Variants in TERB2 observed in about 807,000 individuals in gnomAD.
TERB2 encodes telomere repeats-binding bouquet formation protein 2.
In TERB2, 26 loss-of-function variants were observed where a neutral mutation model predicts 29.8. The observed-to-expected ratio is 0.87, with a 90% CI of 0.64 to 1.21. The LOEUF is 1.21. Among genes scored for constraint, TERB2 ranks in the 50% most tolerant of loss-of-function variants. TERB2 has a pLI of 0.00. For synonymous variants in TERB2, 80 were observed against 90.8 expected, an observed-to-expected ratio of 0.88 and a Z score of 0.68; for missense variants, 240 against 268.6, an observed-to-expected ratio of 0.89 and a Z score of 0.74.
intron 4 of TERB2, 76 bp downstream of exon 4, chr15:44,961,660 T>C: frequency 9.7e-7 from 1 of 1,026,970 alleles, no homozygotes; most frequent in Non-Finnish European, 1.5e-6. Flanking sequence ...CTTTAAAATG[T>C]TTATTTGTGA....
intron 3 of TERB2, among the ~76,000 whole-genome samples, chr15:44,959,626 C>G (rs111707458): frequency 1.1e-4 from 16 of 152,276 alleles, no homozygotes; most frequent in Middle Eastern, 3.4e-3. Flanking sequence ...CCTCAGCCCC[C>G]CAAAGTGCTG....
In TERB2 at chr15:44,978,721, T is replaced by C. The variant is rs1259806815; in HGVS notation, c.*93T>C. Reference sequence around the variant, plus strand: ...AATGCTCCCTTTTGGTACTGGGGGATAGTGAAATGGGAAATAATTTTTCTG... The same window carrying C: ...AATGCTCCCTTTTGGTACTGGGGGACAGTGAAATGGGAAATAATTTTTCTG... On this transcript the variant is annotated 3_prime_UTR_variant, in exon 7 of 7. Coordinates refer to ENST00000340827, the MANE Select transcript of TERB2 (RefSeq NM_152448.3). The C allele has an allele frequency of 7.6e-7, 1 of 1,313,734 alleles. No individual in the cohort carries two copies. The highest frequency in any genetic ancestry group is 1.5e-5 in the African/African-American group (1 of 66,502). The allele number at this position is 1,313,734 out of a possible 1,614,324, so 81.4% of individuals were successfully genotyped here. A position where few individuals can be genotyped will look rare whatever the true frequency, so the allele number is the denominator to read the frequency against.
intron 4 of TERB2, among the ~76,000 whole-genome samples, chr15:44,964,366 T>C (rs1230514629): frequency 6.6e-6 from 1 of 152,168 alleles, no homozygotes; most frequent in African/African-American, 2.4e-5. Context: ...TAGGAGGTAA[T>C]AGTATGTTGT....
Position 44,977,373 on chromosome 15 carries a change from A to G in TERB2, c.524-1116A>G, listed in dbSNP as rs573895631. Among the ~76,000 whole-genome samples, 24 of 152,374 alleles carry G rather than the reference A, an allele frequency of 1.6e-4. No homozygotes were observed. The South Asian group carries it at 3.3e-3, about 21-fold the overall frequency. On this transcript the variant is annotated intron_variant, in intron 6 of 6. Transcript: ENST00000340827. ...TAAATGTCCTATCCTTCTTATACTTATAGGAATATTTTTTACTAATGTAGT... is the reference window on the plus strand; with the variant it reads ...TAAATGTCCTATCCTTCTTATACTTGTAGGAATATTTTTTACTAATGTAGT...
intron 5 of TERB2, among the ~76,000 whole-genome samples, chr15:44,973,372 T>C (rs927629790): frequency 6.6e-6 from 1 of 152,190 alleles, no homozygotes; most frequent in Non-Finnish European, 1.5e-5. Flanking sequence ...TATTGTACTT[T>C]CAGGGATATG....
chr15:44,963,999 C>T (rs1218358288), intron 4 of TERB2, among the ~76,000 whole-genome samples: 3 of 151,570 alleles, frequency 2.0e-5, no homozygotes, highest in Admixed American at 6.6e-5. Context: ...TTAGTAGAGA[C>T]GGGGTTTCAC....
chr15:44,957,209 A>G (rs985478477), intron 2 of TERB2, among the ~76,000 whole-genome samples: 9 of 150,574 alleles, frequency 6.0e-5, no homozygotes, highest in African/African-American at 2.2e-4. Context: ...GCAAGATTCC[A>G]TCTCAAAAAA....
chr15:44,962,627 C>T (rs1467041282), intron 4 of TERB2, among the ~76,000 whole-genome samples: 2 of 152,076 alleles, frequency 1.3e-5, no homozygotes. Context: ...CGGGGGCTGC[C>T]TGATTAACCA....
chr15:44,961,476 T>TA (rs772499304), intron 3 of TERB2, 47 bp from the exon 4 acceptor site: 137,845 of 1,013,678 alleles, frequency 0.14, 7 homozygotes, highest in South Asian at 0.16. Context: ...AGAAGATTCT[T>TA]AAAAAAAAAA....
At chr15:44,968,540 T>C (rs1456965373) in intron 5 of TERB2, among the ~76,000 whole-genome samples, 2 of 151,782 alleles carry the variant, frequency 1.3e-5, no homozygotes, top group Non-Finnish European at 2.9e-5. Flanking sequence ...TTATTTGATA[T>C]TATGATGTGT....
intron 2 of TERB2, among the ~76,000 whole-genome samples, chr15:44,957,771 A>T (rs998209290): frequency 6.6e-6 from 1 of 151,900 alleles, no homozygotes; most frequent in African/African-American, 2.4e-5. Context: ...CAGACATCAG[A>T]TCAGGGCCCT....
intron 5 of TERB2, among the ~76,000 whole-genome samples, chr15:44,971,413 G>A (rs1446825065): frequency 5.3e-5 from 8 of 152,084 alleles, no homozygotes; most frequent in Admixed American, 3.9e-4. Context: ...TATTTTAATC[G>A]ATTCTCTCTT....
chr15:44,978,714 T>C lies in TERB2; in HGVS notation c.*86T>C, dbSNP rs1434776089. The stretch of plus-strand genomic sequence containing the variant: ...ATCATAAAATGCTCCCTTTTGGTAC[T>C]GGGGGATAGTGAAATGGGAAATAAT... On this transcript the variant is annotated 3_prime_UTR_variant, in exon 7 of 7. Coordinates refer to ENST00000340827, the MANE Select transcript of TERB2 (RefSeq NM_152448.3). The C allele has an allele frequency of 2.2e-6, 3 of 1,336,010 alleles. No individual in the cohort carries two copies. The highest frequency in any genetic ancestry group is 4.7e-5 in the South Asian group (2 of 42,676). The allele number at this position is 1,336,010 out of a possible 1,614,324, so 82.8% of individuals were successfully genotyped here.
At chr15:44,966,084 C>T in intron 4 of TERB2, 74 bp from the exon 5 acceptor site, 8 of 789,832 alleles carry the variant, frequency 1.0e-5, no homozygotes, top group Non-Finnish European at 1.3e-5. Context: ...TTTATTTTTC[C>T]TTTTTAAAAA....
chr15:44,976,985 T>C (rs899949552), intron 6 of TERB2, among the ~76,000 whole-genome samples: 3 of 151,984 alleles, frequency 2.0e-5, no homozygotes, highest in Non-Finnish European at 4.4e-5. Context: ...CCAACTTGCC[T>C]CCAAAAAGGA....
At chr15:44,975,161 C>T (rs1322539618) in intron 6 of TERB2, among the ~76,000 whole-genome samples, 2 of 152,094 alleles carry the variant, frequency 1.3e-5, no homozygotes, top group Non-Finnish European at 2.9e-5. Context: ...ATTGGTAGAA[C>T]TAAAGTAAAA....
chr15:44,965,588 CAT>C (rs984148194), intron 4 of TERB2, among the ~76,000 whole-genome samples: 10 of 135,548 alleles, frequency 7.4e-5, no homozygotes, highest in African/African-American at 2.4e-4. Context: ...ATCTATATAT[CAT>C]ATAGATTTAT....
At chr15:44,971,827 C>G (rs1382199956) in intron 5 of TERB2, among the ~76,000 whole-genome samples, 1 of 151,378 alleles carries the variant, frequency 6.6e-6, no homozygotes, top group African/African-American at 2.4e-5. Context: ...CTTTTCATCC[C>G]CCCCCCTCCT....
At chr15:44,969,883 A>G (rs1891943481) in intron 5 of TERB2, among the ~76,000 whole-genome samples, 1 of 151,796 alleles carries the variant, frequency 6.6e-6, no homozygotes, top group African/African-American at 2.4e-5. Flanking sequence ...AATAAACTAC[A>G]TAATATCATA....
Sources: gnomAD v4.1 joint callset for allele counts (sites outside exome capture counted in the v4.1 genomes callset) on GRCh38, gnomAD v4.1.1 for gene constraint, MANE v1.5 for transcripts, NCBI Gene and HGNC (gene_info 2026-07-23, HGNC 2026-07-21) for gene names.